Variants in ESPN observed in about 807,000 individuals in gnomAD.
ESPN encodes the protein espin, also known as autosomal recessive deafness type 36 protein.
In ESPN, 68 loss-of-function variants were observed where a neutral mutation model predicts 77.7. The ratio of observed to expected loss-of-function variants is 0.87; its 90% confidence interval spans 0.72 to 1.07. ESPN has a LOEUF of 1.07. Ranked by LOEUF, ESPN falls within the 50% of genes least tolerant of loss-of-function variation. ESPN has a pLI of 0.00. For missense variants in ESPN, 1,060 were observed against 1,239.0 expected (o/e 0.86, Z 2.17); for synonymous variants, 449 against 567.1 (o/e 0.79, Z 2.96).
Position 6,424,819 on chromosome 1 carries a change from C to T in ESPN, c.-137C>T. 1.1e-6 allele frequency: 1 copy of T among 891,852 alleles called. No homozygotes were observed. Among genetic ancestry groups the T allele is most frequent in the Non-Finnish European group, 1.5e-6 (1 of 676,192 alleles). The allele number at this position is 891,852 out of a possible 1,614,324, so 55.2% of individuals were successfully genotyped here. ...GCGCCAGGCAGCGCGGAGCGGAGGCCAGGCCCACAGCCGCTCCGCCTCCCG... is the reference window on the plus strand; with the variant it reads ...GCGCCAGGCAGCGCGGAGCGGAGGCTAGGCCCACAGCCGCTCCGCCTCCCG... On this transcript the variant is annotated 5_prime_UTR_variant, in exon 1 of 13. Transcript: ENST00000645284.
In ESPN at chr1:6,448,937, G is replaced by A; in HGVS notation, c.1761G>A (p.Ala587=). ...ACCATGTTCCTAACGGCTGCGCCGC[G>A]GACCCCAAGGCGTCCAGGGAGCTGC... ...PGNHVPNGCA[A]DPKASRELPP... is the part of the protein sequence containing the mutation. The change falls in exon 8 of 13, where the codon GCG becomes GCA. Residue 587 remains alanine (A), a synonymous_variant. Transcript: ENST00000645284. 2 of 1,397,094 alleles carry A rather than the reference G, an allele frequency of 1.4e-6. No homozygotes were observed. Among genetic ancestry groups the A allele is most frequent in the Non-Finnish European group, 1.9e-6 (2 of 1,080,434 alleles). The allele number at this position is 1,397,094 out of a possible 1,614,324, so 86.5% of individuals were successfully genotyped here. A position where few individuals can be genotyped will look rare whatever the true frequency, so the allele number is the denominator to read the frequency against.
intron 2 of ESPN, among the ~76,000 whole-genome samples, chr1:6,435,040 A>G (rs1643383837): frequency 6.6e-6 from 1 of 152,020 alleles, no homozygotes; most frequent in Non-Finnish European, 1.5e-5. Context: ...AGGCTTCTGG[A>G]ACTATTCCAT....
rs996331224 is a variant in ESPN, at chr1:6,427,620, C to G, written c.295-606C>G. Among the ~76,000 whole-genome samples, 3 of 152,234 alleles carry G rather than the reference C, an allele frequency of 2.0e-5. No homozygotes were observed. Among genetic ancestry groups the G allele is most frequent in the Admixed American group, 1.3e-4 (2 of 15,286 alleles). ...GCGAGAACACAGGCTGCTCCTGTGGCTGGGCACTGGCGAGTCTGCTGGGGG... is the reference window on the plus strand; with the variant it reads ...GCGAGAACACAGGCTGCTCCTGTGGGTGGGCACTGGCGAGTCTGCTGGGGG... On this transcript the variant is annotated intron_variant, in intron 1 of 12. Coordinates refer to ENST00000645284, the MANE Select transcript of ESPN (RefSeq NM_031475.3). This position sits in a 1 kb window ranked among gnomAD's most constrained non-coding sequence, Gnocchi z 4.6.
At chr1:6,433,289 C>G (rs1035371679) in intron 2 of ESPN, among the ~76,000 whole-genome samples, 1 of 151,890 alleles carries the variant, frequency 6.6e-6, no homozygotes, top group Non-Finnish European at 1.5e-5. Flanking sequence ...CTAAAAAATA[C>G]AAAAATTAGC....
Position 6,448,859 on chromosome 1 carries a change from C to T in ESPN, c.1683C>T (p.Arg561=). The change falls in exon 8 of 13, where the codon CGC becomes CGT. Residue 561 remains arginine (R), a synonymous_variant. Transcript: ENST00000645284. ...GCCCGCGCCTCGGCCCTGCCGCCCG[C>T]GGCTCACTCGAAGGCCCCTCCGCTC... The part of the protein sequence containing the change: ...AGCPRLGPAA[R]GSLEGPSAPP... 1 of 1,264,220 alleles carries T rather than the reference C, an allele frequency of 7.9e-7. No individual in the cohort carries two copies. Among genetic ancestry groups the T allele is most frequent in the Non-Finnish European group, 9.9e-7 (1 of 1,010,436 alleles). The allele number at this position is 1,264,220 out of a possible 1,614,324, so 78.3% of individuals were successfully genotyped here. A position where few individuals can be genotyped will look rare whatever the true frequency, so the allele number is the denominator to read the frequency against.
intron 11 of ESPN, 21 bp from the exon 12 acceptor site, chr1:6,457,340 A>G: frequency 6.2e-7 from 1 of 1,614,192 alleles, no homozygotes; most frequent in East Asian, 2.2e-5. Context: ...ACCAAGTGAC[A>G]CTGTCTCTTT....
intron 10 of ESPN, chr1:6,455,161 C>A: frequency 2.6e-6 from 1 of 388,610 alleles, no homozygotes; most frequent in Non-Finnish European, 4.6e-6. Flanking sequence ...ACCCTGGGCC[C>A]GCCCGAGGTA....
Position 6,451,558 on chromosome 1 carries a change from T to A in ESPN, c.1916-45T>A. 6.3e-7 allele frequency: 1 copy of A among 1,597,382 alleles called. No homozygotes were observed. Among genetic ancestry groups the A allele is most frequent in the Non-Finnish European group, 8.5e-7 (1 of 1,171,708 alleles). On this transcript the variant is annotated intron_variant, in intron 8 of 12. Coordinates refer to ENST00000645284, the MANE Select transcript of ESPN (RefSeq NM_031475.3). This position sits in a 1 kb window ranked among gnomAD's most constrained non-coding sequence, Gnocchi z 4.3. ...AGGGGCGGGTGAGGGGTGGCGGGGA[T>A]GCAGCCCCACCCTGGCCAGTGCCTC...
rs2148530901 is a variant in ESPN, at chr1:6,447,389, G to A, written c.1465-1252G>A. The A allele has an allele frequency of 6.6e-6, 1 of 152,518 alleles. No homozygotes were observed. The highest frequency in any genetic ancestry group is 3.4e-3 in the Middle Eastern group (1 of 292). The allele number at this position is 152,518 out of a possible 1,614,324, so 9.4% of individuals were successfully genotyped here. On this transcript the variant is annotated intron_variant, in intron 7 of 12. Coordinates refer to ENST00000645284, the MANE Select transcript of ESPN (RefSeq NM_031475.3). This position sits in a 1 kb window ranked among gnomAD's most constrained non-coding sequence, Gnocchi z 5.2. ...TGGCGTCCGAACCTCCGGGCTGCAG[G>A]GGGCGCGGAGCGGGCGGGCTGGCCC...
At chr1:6,448,314 GC>G (rs1643885785) in intron 7 of ESPN, among the ~76,000 whole-genome samples, 1 of 152,164 alleles carries the variant, frequency 6.6e-6, no homozygotes, top group South Asian at 2.1e-4. Context: ...GCTGGGAGGT[GC>G]CCCTTCGCCA....
At chr1:6,459,110 A>G (rs9435266) in intron 12 of ESPN, among the ~76,000 whole-genome samples, 44,608 of 151,490 alleles carry the variant, frequency 0.29, 10,467 homozygotes, top group African/African-American at 0.66. Flanking sequence ...GCATGGTGGC[A>G]CGCTCCTGTA....
At position 6,445,968 on chromosome 1, in the gene ESPN, G is replaced by C. The variant is rs929289760; in HGVS notation, c.1464+33G>C. 3.7e-6 allele frequency: 6 copies of C among 1,610,476 alleles called. No homozygotes were observed. The Admixed American group carries it at 5.0e-5, about 13-fold the overall frequency. On this transcript the variant is annotated intron_variant, in intron 7 of 12. Coordinates refer to ENST00000645284, the MANE Select transcript of ESPN (RefSeq NM_031475.3). ...GCCCTCACCCCCTGCCTGCCTCCCA[G>C]CAGGGGGACTGGGCTGATGGGGGCC...
intron 10 of ESPN, chr1:6,455,314 G>A (rs1644032531): frequency 2.6e-6 from 1 of 386,696 alleles, no homozygotes; most frequent in Non-Finnish European, 4.6e-6. Context: ...TGGCGCCGCT[G>A]GGCCTGCCGC....
chr1:6,425,199 C>A lies in ESPN; in HGVS notation c.244C>A (p.His82Asn). The A allele has an allele frequency of 6.5e-7, 1 of 1,547,518 alleles. No individual in the cohort carries two copies. Among genetic ancestry groups the A allele is most frequent in the Non-Finnish European group, 8.7e-7 (1 of 1,154,308 alleles). The change falls in exon 1 of 13, where the codon CAC (histidine) becomes AAC (asparagine). Residue 82 changes from histidine to asparagine, a missense_variant. Physicochemically the swap from His to Asn is moderately conservative, Grantham distance 68. Coordinates refer to ENST00000645284, the MANE Select transcript of ESPN (RefSeq NM_031475.3). ...TPAHDASATG[H>N]LACLQWLLSQ... is the part of the protein sequence containing the mutation. ...GGCCCACGACGCCTCCGCCACCGGC[C>A]ACCTCGCCTGCCTGCAGTGGCTGCT... is the stretch of plus-strand genomic sequence containing the variant.
At chr1:6,458,958 G>A (rs1460396044) in intron 12 of ESPN, among the ~76,000 whole-genome samples, 2 of 150,214 alleles carry the variant, frequency 1.3e-5, no homozygotes, top group Non-Finnish European at 3.0e-5. Context: ...TTAGCTGGGC[G>A]GGCTGGGCTC....
intron 10 of ESPN, chr1:6,455,299 AGC>A: frequency 5.2e-6 from 2 of 387,254 alleles, no homozygotes; most frequent in Non-Finnish European, 9.1e-6. Flanking sequence ...CTCTTCCTGG[AGC>A]ACTGGCGCCG....
chr1:6,440,482 G>C lies in ESPN; in HGVS notation c.675+42G>C, dbSNP rs1324284612. 2.7e-6 allele frequency: 4 copies of C among 1,487,496 alleles called. No individual in the cohort carries two copies. The African/African-American group carries it at 5.7e-5, about 21-fold the overall frequency. The allele number at this position is 1,487,496 out of a possible 1,614,324, so 92.1% of individuals were successfully genotyped here. A position where few individuals can be genotyped will look rare whatever the true frequency, so the allele number is the denominator to read the frequency against. ...GGCGGGGAGCAGGGGAGGCGGGGCG[G>C]AGCCGGCAGGGCGGGGAGTGGAGGG... On this transcript the variant is annotated intron_variant, in intron 3 of 12. Transcript: ENST00000645284.
intron 2 of ESPN, among the ~76,000 whole-genome samples, chr1:6,435,571 G>A (rs1237042424): frequency 5.3e-5 from 8 of 152,230 alleles, no homozygotes; most frequent in South Asian, 4.1e-4. Flanking sequence ...GGTCAAAGCC[G>A]GGGCAAAGGG....
Position 6,427,169 on chromosome 1 carries a change from G to A in ESPN, c.295-1057G>A, listed in dbSNP as rs1003444915. On this transcript the variant is annotated intron_variant, in intron 1 of 12. Transcript: ENST00000645284. This position sits in a 1 kb window ranked among gnomAD's most constrained non-coding sequence, Gnocchi z 4.6. Reference sequence around the variant, plus strand: ...AGTGCCCTCTCTCTGGGCAAGGCGGGGCAGAGAGGCTTTACTCCCTGATCC... The same window carrying A: ...AGTGCCCTCTCTCTGGGCAAGGCGGAGCAGAGAGGCTTTACTCCCTGATCC... 2.0e-5 allele frequency among the ~76,000 whole-genome samples: 3 copies of A among 151,956 alleles called. No homozygotes were observed. Among genetic ancestry groups the A allele is most frequent in the African/African-American group, 4.8e-5 (2 of 41,326 alleles).
Sources: allele counts gnomAD v4.1 joint callset (sites outside exome capture counted in the v4.1 genomes callset), GRCh38; gene constraint gnomAD v4.1.1; non-coding constraint Gnocchi (gnomAD v3.1); transcripts MANE v1.5; gene names NCBI Gene and HGNC (gene_info 2026-07-23, HGNC 2026-07-21).